The following NEGR1 variants were observed in gnomAD, a reference collection of about 807,000 sequenced individuals.
NEGR1 encodes neuronal growth regulator 1.
In NEGR1, 10 loss-of-function variants were observed where a neutral mutation model predicts 40.9. The observed-to-expected ratio is 0.24, with a 90% confidence interval of 0.15 to 0.42. The LOEUF (loss-of-function observed/expected upper bound fraction) is 0.42, where lower values mean the gene tolerates loss of function less well. Among genes scored for constraint, NEGR1 ranks in the 10% least tolerant of loss-of-function variants. The pLI is 1.00. For missense variants in NEGR1, 352 were observed against 438.9 expected, an observed-to-expected ratio of 0.80 and a Z score of 1.77; for synonymous variants, 185 against 166.8, an observed-to-expected ratio of 1.11 and a Z score of -0.84.
intron 2 of NEGR1, among the ~76,000 whole-genome samples, chr1:71,908,973 T>A (rs1034641375): frequency 1.3e-5 from 2 of 152,202 alleles, no homozygotes; most frequent in Non-Finnish European, 2.9e-5. Flanking sequence ...TGGTGTCAAG[T>A]GTAACATTGT....
chr1:71,549,573 A>G lies in NEGR1; in HGVS notation c.940+43244T>C, dbSNP rs548873784. ...TTTAAAAAACATATTTATTTTATAG[A>G]TGAGGAAACTACGGCACAGTGCAGT... On this transcript the variant is annotated intron_variant, in intron 6 of 6. Coordinates refer to ENST00000357731, the MANE Select transcript of NEGR1 (RefSeq NM_173808.3). 3.3e-5 allele frequency among the ~76,000 whole-genome samples: 5 copies of G among 151,774 alleles called. No individual in the cohort carries two copies. The South Asian group carries it at 1.0e-3, about 31-fold the overall frequency.
chr1:71,695,618 C>A (rs200861204), intron 4 of NEGR1, among the ~76,000 whole-genome samples: 1 of 151,798 alleles, frequency 6.6e-6, no homozygotes, highest in East Asian at 1.9e-4. Context: ...GCCACTAAAA[C>A]ACCTTTGTTA....
At chr1:71,438,181 C>G (rs1171482589) in intron 6 of NEGR1, among the ~76,000 whole-genome samples, 1 of 152,142 alleles carries the variant, frequency 6.6e-6, no homozygotes, top group Non-Finnish European at 1.5e-5. Flanking sequence ...AGCCCTTAGT[C>G]AAAGATTGCT....
chr1:72,200,898 C>T (rs2100446324), intron 1 of NEGR1, among the ~76,000 whole-genome samples: 1 of 151,838 alleles, frequency 6.6e-6, no homozygotes, highest in Admixed American at 6.6e-5. Context: ...AGATTATATA[C>T]TTTACTAATA....
chr1:72,204,877 C>A (rs1000076593), intron 1 of NEGR1, among the ~76,000 whole-genome samples: 1 of 151,992 alleles, frequency 6.6e-6, no homozygotes, highest in South Asian at 2.1e-4. Context: ...AAATTATTTC[C>A]AGTCTCCCTT....
At chr1:71,505,246 G>A (rs1180249822) in intron 6 of NEGR1, among the ~76,000 whole-genome samples, 3 of 151,900 alleles carry the variant, frequency 2.0e-5, no homozygotes, top group Non-Finnish European at 4.4e-5. Context: ...GTTCAGACTC[G>A]CCACCCTGTG....
chr1:71,528,198 A>C (rs1306204277), intron 6 of NEGR1, among the ~76,000 whole-genome samples: 1 of 151,268 alleles, frequency 6.6e-6, no homozygotes, highest in Non-Finnish European at 1.5e-5. Flanking sequence ...TGACTTTTTA[A>C]GTTTTTGCTT....
intron 4 of NEGR1, among the ~76,000 whole-genome samples, chr1:71,682,440 G>A (rs552031560): frequency 6.6e-6 from 1 of 152,166 alleles, no homozygotes; most frequent in African/African-American, 2.4e-5. Flanking sequence ...TGTTATATGA[G>A]ACTGGATTTT....
At chr1:72,239,201 T>G (rs1361161213) in intron 1 of NEGR1, among the ~76,000 whole-genome samples, 1 of 151,850 alleles carries the variant, frequency 6.6e-6, no homozygotes, top group South Asian at 2.1e-4. Flanking sequence ...AGTTTTGATA[T>G]AAGGAGAATA....
At chr1:71,507,070 G>A (rs1647039894) in intron 6 of NEGR1, among the ~76,000 whole-genome samples, 2 of 152,202 alleles carry the variant, frequency 1.3e-5, no homozygotes, top group Non-Finnish European at 2.9e-5. Context: ...TTCATACATG[G>A]AGAACTGGTC....
At chr1:71,741,678 C>G (rs1655218230) in intron 3 of NEGR1, among the ~76,000 whole-genome samples, 1 of 152,088 alleles carries the variant, frequency 6.6e-6, no homozygotes, top group South Asian at 2.1e-4. Context: ...TAAAGAAGTA[C>G]CTCAGACTGG....
At chr1:71,628,551 C>T (rs968582189) in intron 4 of NEGR1, among the ~76,000 whole-genome samples, 1 of 151,982 alleles carries the variant, frequency 6.6e-6, no homozygotes, top group Non-Finnish European at 1.5e-5. Context: ...TCTCCTAATG[C>T]TATCCCTCCC....
chr1:71,978,206 T>G (rs1184545196), intron 1 of NEGR1, among the ~76,000 whole-genome samples: 1 of 151,840 alleles, frequency 6.6e-6, no homozygotes, highest in Non-Finnish European at 1.5e-5. Flanking sequence ...AAGTGCTGTC[T>G]GAAAATTATA....
intron 4 of NEGR1, among the ~76,000 whole-genome samples, chr1:71,650,986 T>C (rs1054282089): frequency 1.3e-5 from 2 of 152,162 alleles, no homozygotes; most frequent in Non-Finnish European, 2.9e-5. Flanking sequence ...AATACTTTTC[T>C]AAAAGCAAAA....
chr1:72,063,942 C>T (rs1647217692), intron 1 of NEGR1, among the ~76,000 whole-genome samples: 1 of 151,756 alleles, frequency 6.6e-6, no homozygotes, highest in African/African-American at 2.4e-5. Flanking sequence ...AGCTTCCATC[C>T]CGTAAAATAA....
At chr1:71,977,329 AAAAAC>A (rs1020896366) in intron 1 of NEGR1, among the ~76,000 whole-genome samples, 1 of 152,100 alleles carries the variant, frequency 6.6e-6, no homozygotes, top group Non-Finnish European at 1.5e-5. Context: ...CCATCTCAAA[AAAAAC>A]AAAACAAAAC....
chr1:71,694,049 TC>T (rs1281593601), intron 4 of NEGR1, among the ~76,000 whole-genome samples: 2 of 151,738 alleles, frequency 1.3e-5, no homozygotes, highest in African/African-American at 4.8e-5. Context: ...GTTTTGTTTT[TC>T]AATTCACTTG....
At chr1:72,130,957 G>T (rs1650225415) in intron 1 of NEGR1, among the ~76,000 whole-genome samples, 1 of 152,178 alleles carries the variant, frequency 6.6e-6, no homozygotes, top group East Asian at 1.9e-4. Flanking sequence ...GAAAAAGAGA[G>T]AAATGATAGG....
chr1:72,167,250 C>T (rs1651801748), intron 1 of NEGR1, among the ~76,000 whole-genome samples: 2 of 152,036 alleles, frequency 1.3e-5, no homozygotes, highest in African/African-American at 4.8e-5. Flanking sequence ...TTTCCTTTGT[C>T]CATGATTTCC....
Sources: allele counts gnomAD v4.1 joint callset (sites outside exome capture counted in the v4.1 genomes callset), GRCh38; gene constraint gnomAD v4.1.1; transcripts MANE v1.5; gene names NCBI Gene and HGNC (gene_info 2026-07-23, HGNC 2026-07-21).